VAV1: variants seen among roughly 807,000 people sequenced by gnomAD.
The protein encoded by VAV1 is proto-oncogene vav.
VAV1 carries 33 observed loss-of-function variants against 128.1 expected under a neutral mutation model. The ratio of observed to expected loss-of-function variants is 0.26; its 90% CI spans 0.20 to 0.34. The LOEUF (loss-of-function observed/expected upper bound fraction) is 0.34, where lower values mean the gene tolerates loss of function less well. Among genes scored for constraint, VAV1 ranks in the 10% least tolerant of loss-of-function variants. The pLI is 1.00. For missense variants in VAV1, 715 were observed against 1,093.7 expected, an observed-to-expected ratio of 0.65 and a Z score of 4.88; for synonymous variants, 394 against 409.8, an observed-to-expected ratio of 0.96 and a Z score of 0.47.
intron 21 of VAV1, 56 bp downstream of exon 21, chr19:6,837,106 G>A: frequency 1.9e-6 from 3 of 1,571,752 alleles, no homozygotes; most frequent in Middle Eastern, 1.7e-4. Flanking sequence ...CGGGTCCTGG[G>A]AGGATGGACA....
rs1043572766 is a variant in VAV1 at position 6,826,285 on chromosome 19, C to A, written c.828-327C>A. ...CCCGGGAGATGGAGGTTGCACTGAG[C>A]CCAGATCACACCACTGTACTCCAGC... On this transcript the variant is annotated intron_variant, in intron 8 of 26. Coordinates refer to ENST00000602142, the MANE Select transcript of VAV1 (RefSeq NM_005428.4). The surrounding 1 kb of genome is among the most constrained non-coding windows in gnomAD (Gnocchi z 4.1). Among the ~76,000 whole-genome samples the A allele has an allele frequency of 8.6e-5, 13 of 151,916 alleles. No individual in the cohort carries two copies. Among genetic ancestry groups the A allele is most frequent in the Admixed American group, 7.2e-4 (11 of 15,250 alleles).
chr19:6,832,233 A>G (rs530225077), intron 15 of VAV1, 33 bp downstream of exon 15: 2 of 1,606,064 alleles, frequency 1.2e-6, no homozygotes, highest in East Asian at 2.2e-5. Flanking sequence ...CTTTCTGTCC[A>G]CAGAGGGGCA....
In VAV1 at chr19:6,825,324, C is replaced by A. The variant is rs772426650; in HGVS notation, c.745C>A (p.His249Asn). 5 of 1,613,088 alleles carry A rather than the reference C, an allele frequency of 3.1e-6. No homozygotes were observed. The Admixed American group carries it at 6.7e-5, about 22-fold the overall frequency. The stretch of plus-strand genomic sequence containing the variant: ...GTAGGACCTGCTTCGTGTTCATACT[C>A]ACTTCCTAAAGGAGATGAAGGAAGC... ...NIEDLLRVHTHFLKEMKEALG... is the reference protein window; with the variant it reads ...NIEDLLRVHTNFLKEMKEALG... Residue 249 changes from histidine (H) to asparagine (N), a missense_variant, in exon 8 of 27, where the codon CAC becomes AAC. By Grantham distance (68) the His-to-Asn change is moderately conservative. Around this residue, in one of 3 missense-constraint regions of VAV1, gnomAD observed 302 missense variants for 477.8 expected, o/e 0.63. Transcript: ENST00000602142.
intron 1 of VAV1, among the ~76,000 whole-genome samples, chr19:6,786,033 TTC>T (rs1970884783): frequency 2.0e-5 from 3 of 151,936 alleles, no homozygotes; most frequent in African/African-American, 4.8e-5. Context: ...CAACTTCCCA[TTC>T]TCTTTCATGT....
intron 9 of VAV1, among the ~76,000 whole-genome samples, chr19:6,827,278 G>GT (rs1228514782): frequency 4.6e-5 from 7 of 151,236 alleles, no homozygotes; most frequent in African/African-American, 7.3e-5. Flanking sequence ...GTTTTGTTTT[G>GT]TTTTTTTGAG....
Position 6,836,450 on chromosome 19 carries a change from T to G in VAV1, c.1796T>G (p.Val599Gly). ...CCTCCAGGTCTGCCCAAGATGGAGG[T>G]GTTTCAGGAATACTACGGGCTTCCT... ...RNELGLPKMEVFQEYYGLPPP... is the reference protein window; with the variant it reads ...RNELGLPKMEGFQEYYGLPPP... Residue 599 changes from valine to glycine, a missense_variant, in exon 20 of 27, where the codon GTG becomes GGG. Transcript: ENST00000602142. 1 of 1,613,686 alleles carries G rather than the reference T, an allele frequency of 6.2e-7. No individual in the cohort carries two copies. The highest frequency in any genetic ancestry group is 8.5e-7 in the Non-Finnish European group (1 of 1,179,924).
intron 22 of VAV1, 83 bp downstream of exon 22, chr19:6,843,249 C>A: frequency 6.7e-7 from 1 of 1,485,442 alleles, no homozygotes; most frequent in Non-Finnish European, 9.4e-7. Flanking sequence ...ACCTCCGAGC[C>A]AATTAGTTAT....
At chr19:6,783,469 C>T (rs1970811067) in intron 1 of VAV1, among the ~76,000 whole-genome samples, 1 of 115,800 alleles carries the variant, frequency 8.6e-6, no homozygotes, top group Non-Finnish European at 1.8e-5. Context: ...TCACCTCCAT[C>T]CTTTTTTTTT....
chr19:6,778,657 C>A (rs1970696075), intron 1 of VAV1, among the ~76,000 whole-genome samples: 2 of 152,058 alleles, frequency 1.3e-5, no homozygotes. Flanking sequence ...ATCACTTAAG[C>A]CTGGGCTGCA....
chr19:6,774,146 G>T (rs1429300896), intron 1 of VAV1, among the ~76,000 whole-genome samples: 3 of 151,860 alleles, frequency 2.0e-5, no homozygotes, highest in African/African-American at 4.8e-5. Context: ...TTATTTTTTT[G>T]AGACGGAGTC....
At chr19:6,812,676 C>T (rs374011409) in intron 1 of VAV1, among the ~76,000 whole-genome samples, 1 of 152,000 alleles carries the variant, frequency 6.6e-6, no homozygotes, top group African/African-American at 2.4e-5. Context: ...ACAAAGACAA[C>T]CCAAAATACA....
At chr19:6,788,468 G>A (rs547351815) in intron 1 of VAV1, among the ~76,000 whole-genome samples, 1 of 149,698 alleles carries the variant, frequency 6.7e-6, no homozygotes, top group African/African-American at 2.5e-5. Flanking sequence ...CACCTCCTGG[G>A]TTCAAGTAAT....
In VAV1 at chr19:6,833,962, G is replaced by T. The variant is rs761576772; in HGVS notation, c.1777+9G>T. On this transcript the variant is annotated intron_variant, in intron 19 of 26. Transcript: ENST00000602142. ...AAAGAGGAATGAGCTGGGTGAGTTG[G>T]CAGGGGTTGCTGTGTGGGGGCAGGA... 10 of 1,614,024 alleles carry T rather than the reference G, an allele frequency of 6.2e-6. No individual in the cohort carries two copies. The highest frequency in any genetic ancestry group is 8.5e-6 in the Non-Finnish European group (10 of 1,180,004).
At chr19:6,805,585 C>T (rs113638258) in intron 1 of VAV1, among the ~76,000 whole-genome samples, 1,633 of 126,426 alleles carry the variant, frequency 0.013, 37 homozygotes, top group African/African-American at 0.05. Context: ...TCTACAGATA[C>T]ACACACACAC....
intron 1 of VAV1, among the ~76,000 whole-genome samples, chr19:6,817,026 G>A (rs904402393): frequency 6.6e-6 from 1 of 151,928 alleles, no homozygotes; most frequent in Non-Finnish European, 1.5e-5. Flanking sequence ...GCCTAACCAT[G>A]TGTAGTAGGC....
In VAV1 at chr19:6,837,071, T is replaced by C. The variant is rs55905233; in HGVS notation, c.1980+21T>C. The C allele has an allele frequency of 3.7e-6, 6 of 1,613,366 alleles. No homozygotes were observed. The African/African-American group carries it at 8.0e-5, about 22-fold the overall frequency. On this transcript the variant is annotated intron_variant, in intron 21 of 26. Transcript: ENST00000602142. Reference sequence around the variant, plus strand: ...TCCATGTGAGTGCCTCAAGTCTGAATGGAATAAGGGCAAGGGGTCCAGGGC... The same window carrying C: ...TCCATGTGAGTGCCTCAAGTCTGAACGGAATAAGGGCAAGGGGTCCAGGGC...
Position 6,821,622 on chromosome 19 carries a change from G to A in VAV1, c.322G>A (p.Val108Ile). The A allele has an allele frequency of 6.2e-7, 1 of 1,614,062 alleles. No individual in the cohort carries two copies. The highest frequency in any genetic ancestry group is 8.5e-7 in the Non-Finnish European group (1 of 1,179,984). ...DLFDVQDFGK[V>I]IYTLSALSWT... ...CTGAGTGGCCACTGCCCCGTCACAG[G>A]TCATCTACACCCTGTCTGCTCTGTC... Residue 108 changes from valine to isoleucine, a missense_variant and splice_region_variant, in exon 3 of 27, where the codon GTC becomes ATC. By Grantham distance (29) the Val-to-Ile change is conservative. This residue lies in a region of VAV1 where 302 missense variants were observed against 477.8 expected (regional missense o/e 0.63). Coordinates refer to ENST00000602142, the MANE Select transcript of VAV1 (RefSeq NM_005428.4).
chr19:6,836,886 T>TGG, intron 20 of VAV1, 99 bp from the exon 21 acceptor site: 1 of 1,042,752 alleles, frequency 9.6e-7, no homozygotes, highest in Non-Finnish European at 1.5e-6. Flanking sequence ...ACACGAGTGA[T>TGG]GGGGCAGGAT....
chr19:6,832,298 G>A (rs2144789726), intron 15 of VAV1, 98 bp downstream of exon 15: 1 of 1,144,612 alleles, frequency 8.7e-7, no homozygotes, highest in South Asian at 1.4e-5. Context: ...ACATGCCATG[G>A]GACCACTCTG....
Sources: gnomAD v4.1 joint callset for allele counts (sites outside exome capture counted in the v4.1 genomes callset) on GRCh38, gnomAD v4.1.1 for gene constraint, gnomAD v4.1.1 regional missense constraint, Gnocchi (gnomAD v3.1) non-coding constraint, MANE v1.5 for transcripts, NCBI Gene and HGNC (gene_info 2026-07-23, HGNC 2026-07-21) for gene names.